EBF1: variants seen among roughly 807,000 people sequenced by gnomAD.
EBF1 encodes EBF transcription factor 1.
A neutral mutation model predicts 68.4 loss-of-function variants in EBF1; 10 were observed. The observed-to-expected ratio is 0.15, with a 90% CI of 0.09 to 0.25. EBF1 has a LOEUF of 0.25. EBF1 is among the 10% of genes least tolerant of loss of function. The pLI, the probability that EBF1 is intolerant of heterozygous loss-of-function variation, is 1.00. For synonymous variants in EBF1, 298 were observed against 299.8 expected (o/e 0.99, Z 0.06); for missense variants, 509 against 794.4 (o/e 0.64, Z 4.32).
intron 5 of EBF1, 91 bp downstream of exon 5, chr5:159,084,571 CAAAA>C (rs200028682): frequency 4.3e-4 from 359 of 834,494 alleles, no homozygotes; most frequent in South Asian, 7.3e-4. Flanking sequence ...AAATGTGTAC[CAAAA>C]AAAAAAAAAA....
Position 159,084,699 on chromosome 5 carries a change from C to A in EBF1, c.452G>T (p.Cys151Phe). ...YEGQDKNPEM[C>F]RVLLTHEIMC... is the part of the protein sequence containing the mutation. The stretch of plus-strand genomic sequence containing the variant: ...GATCTCATGTGTGAGCAAGACTCGG[C>A]ACATTTCTGGGTTCTTGTCTTGGCC... Residue 151 changes from cysteine (C) to phenylalanine (F), a missense_variant, in exon 5 of 16, where the codon TGC (cysteine) becomes TTC (phenylalanine). Cys to Phe is a radical substitution (Grantham distance 205). This residue lies in a region of EBF1 where 230 missense variants were observed against 467.7 expected (regional missense o/e 0.49). Transcript: ENST00000313708. The A allele has an allele frequency of 3.7e-6, 6 of 1,600,228 alleles. No individual in the cohort carries two copies. Among genetic ancestry groups the A allele is most frequent in the Non-Finnish European group, 5.1e-6 (6 of 1,171,886 alleles).
chr5:159,015,316 T>G (rs1013087499), intron 6 of EBF1, among the ~76,000 whole-genome samples: 5 of 152,182 alleles, frequency 3.3e-5, no homozygotes, highest in Admixed American at 1.3e-4. Flanking sequence ...CATGGTGAAC[T>G]CCCACTAAAT....
At chr5:158,700,698 T>G (rs1756556882) in intron 15 of EBF1, among the ~76,000 whole-genome samples, 1 of 151,970 alleles carries the variant, frequency 6.6e-6, no homozygotes, top group Non-Finnish European at 1.5e-5. Context: ...CCGTTAATTT[T>G]TAAACCCATC....
chr5:158,969,892 GAAAGAAAGAAAGAAAGAAAGAAAGAAA>G (rs1479805841), intron 6 of EBF1, among the ~76,000 whole-genome samples: 25 of 99,062 alleles, frequency 2.5e-4, no homozygotes, highest in Middle Eastern at 4.4e-3. Flanking sequence ...AAGAAAGAAA[GAAAGAAAGAAAGAAAGAAAGAAAGAAA>G]AAAAAAAAAA....
At chr5:159,098,420 G>A (rs1009809951) in intron 1 of EBF1, among the ~76,000 whole-genome samples, 1 of 152,108 alleles carries the variant, frequency 6.6e-6, no homozygotes, top group Admixed American at 6.5e-5. Flanking sequence ...GTTGGGAGTT[G>A]CTATTCTACC....
At chr5:158,800,436 A>G (rs1205309490) in intron 8 of EBF1, among the ~76,000 whole-genome samples, 1 of 152,194 alleles carries the variant, frequency 6.6e-6, no homozygotes, top group African/African-American at 2.4e-5. Flanking sequence ...ATTAACATTT[A>G]TTCCCTATAT....
At position 158,771,292 on chromosome 5, in the gene EBF1, T is replaced by C. The variant is rs549974804; in HGVS notation, c.1036+6121A>G. The stretch of plus-strand genomic sequence containing the variant: ...GATTGCATTACATACATTAACCCTT[T>C]TACTCCTTAGATGAAGGTACTATTA... On this transcript the variant is annotated intron_variant, in intron 10 of 15. Transcript: ENST00000313708. Among the ~76,000 whole-genome samples the C allele has an allele frequency of 5.9e-5, 9 of 152,232 alleles. No homozygotes were observed. In the South Asian group the frequency reaches 1.9e-3, roughly 32 times the overall value.
intron 6 of EBF1, among the ~76,000 whole-genome samples, chr5:158,885,601 C>T (rs1187466344): frequency 6.6e-6 from 1 of 152,148 alleles, no homozygotes; most frequent in Non-Finnish European, 1.5e-5. Flanking sequence ...TATTGAGCAC[C>T]TGCTATGGGC....
chr5:158,977,318 C>A lies in EBF1; in HGVS notation c.554+96078G>T, dbSNP rs534035305. ...TTAATAAAAACCTATCATTCTCTCA[C>A]AGAATACATAATCTATGATTTATAG... On this transcript the variant is annotated intron_variant, in intron 6 of 15. Transcript: ENST00000313708. Among the ~76,000 whole-genome samples, 8 of 152,292 alleles carry A rather than the reference C, an allele frequency of 5.3e-5. No individual in the cohort carries two copies. In the East Asian group the frequency reaches 1.3e-3, roughly 26 times the overall value.
intron 6 of EBF1, among the ~76,000 whole-genome samples, chr5:158,899,377 C>T (rs932663990): frequency 5.1e-4 from 78 of 152,304 alleles, no homozygotes; most frequent in African/African-American, 1.7e-3. Context: ...TGGGCAATCA[C>T]GAAGCAGAAA....
chr5:159,075,467 T>A (rs921018706), intron 5 of EBF1, among the ~76,000 whole-genome samples: 4 of 152,184 alleles, frequency 2.6e-5, no homozygotes, highest in African/African-American at 9.6e-5. Flanking sequence ...AAGTAGGCAA[T>A]GCAAGCTGCC....
chr5:158,823,671 T>C lies in EBF1; in HGVS notation c.637-354A>G, dbSNP rs75365814. Among the ~76,000 whole-genome samples the C allele has an allele frequency of 2.2e-3, 338 of 152,294 alleles. 3 individuals are homozygous for C. Among genetic ancestry groups the C allele is most frequent in the African/African-American group, 7.9e-3 (330 of 41,554 alleles). On this transcript the variant is annotated intron_variant, in intron 7 of 15. Transcript: ENST00000313708. ...TTCAGTTTAGACACTGAAGCATATATCACAGTTGATCATGCAAATAAAAAT... is the reference window on the plus strand; with the variant it reads ...TTCAGTTTAGACACTGAAGCATATACCACAGTTGATCATGCAAATAAAAAT...
At chr5:158,810,891 C>T (rs1042223790) in intron 8 of EBF1, among the ~76,000 whole-genome samples, 2 of 152,112 alleles carry the variant, frequency 1.3e-5, no homozygotes, top group Non-Finnish European at 2.9e-5. Flanking sequence ...CAGCAGCATA[C>T]GTTTAAGCAG....
rs33984979 is a variant in EBF1 at position 158,799,429 on chromosome 5, AAATTAATT to A, written c.779-2962_779-2955del. ...ACTCTGTCTCTTAAAATAAATAAAT[AAATTAATT>A]AATTAAATTAAATTAAAGAATGCTA... is the stretch of plus-strand genomic sequence containing the variant. On this transcript the variant is annotated intron_variant, in intron 8 of 15. Transcript: ENST00000313708. Among the ~76,000 whole-genome samples the A allele has an allele frequency of 3.8e-4, 57 of 148,064 alleles. No individual in the cohort carries two copies. The South Asian group carries it at 0.011, about 29-fold the overall frequency.
intron 8 of EBF1, among the ~76,000 whole-genome samples, chr5:158,815,401 A>T (rs184417522): frequency 4.0e-4 from 61 of 152,304 alleles, no homozygotes; most frequent in South Asian, 1.0e-3. Context: ...CATCTGTAAA[A>T]TGGTGATAAT....
chr5:159,098,048 G>C (rs1312826210), intron 1 of EBF1, among the ~76,000 whole-genome samples: 1 of 152,266 alleles, frequency 6.6e-6, no homozygotes, highest in East Asian at 1.9e-4. Flanking sequence ...ACTCAGTGGG[G>C]ATGGGAACAG....
chr5:159,051,212 TTA>T (rs1240937517), intron 6 of EBF1, among the ~76,000 whole-genome samples: 1 of 152,094 alleles, frequency 6.6e-6, no homozygotes, highest in Non-Finnish European at 1.5e-5. Context: ...CCTTTTTTTT[TTA>T]TTTTAATTCT....
At chr5:159,053,749 A>T (rs1774254369) in intron 6 of EBF1, among the ~76,000 whole-genome samples, 1 of 152,240 alleles carries the variant, frequency 6.6e-6, no homozygotes, top group African/African-American at 2.4e-5. Context: ...AATAAAAGGA[A>T]CATAATTACC....
In EBF1 at chr5:158,917,943, G is replaced by A. The variant is rs962772880; in HGVS notation, c.555-77833C>T. ...TGTCACAGGGACCCAGGCCTTCATCGTGGGTCCCTTTGGGAAGAAAGGGGG... is the reference window on the plus strand; with the variant it reads ...TGTCACAGGGACCCAGGCCTTCATCATGGGTCCCTTTGGGAAGAAAGGGGG... On this transcript the variant is annotated intron_variant, in intron 6 of 15. Transcript: ENST00000313708. 1.5e-4 allele frequency among the ~76,000 whole-genome samples: 23 copies of A among 152,200 alleles called. No individual in the cohort carries two copies. The South Asian group carries it at 4.4e-3, about 29-fold the overall frequency.
Sources: allele counts gnomAD v4.1 joint callset (sites outside exome capture counted in the v4.1 genomes callset), GRCh38; gene constraint gnomAD v4.1.1; regional missense constraint gnomAD v4.1.1; transcripts MANE v1.5; gene names NCBI Gene and HGNC (gene_info 2026-07-23, HGNC 2026-07-21).